AKAP6: variants seen among roughly 807,000 people sequenced by gnomAD.
AKAP6 encodes A-kinase anchor protein 6.
AKAP6 carries 58 observed loss-of-function variants against 188.5 expected under a neutral mutation model. The ratio of observed to expected loss-of-function variants is 0.31; its 90% CI spans 0.25 to 0.38. The LOEUF is 0.38. Among genes scored for constraint, AKAP6 ranks in the 10% least tolerant of loss-of-function variants. AKAP6 has a pLI of 1.00. For synonymous variants in AKAP6, 989 were observed against 998.6 expected (o/e 0.99, Z 0.18); for missense variants, 2,710 against 2,740.0 (o/e 0.99, Z 0.24).
intron 7 of AKAP6, among the ~76,000 whole-genome samples, chr14:32,661,607 C>A (rs1034096465): frequency 9.2e-5 from 14 of 152,182 alleles, no homozygotes; most frequent in South Asian, 2.1e-4. Context: ...ATGCCATACC[C>A]CGGCTCTTTT....
intron 5 of AKAP6, among the ~76,000 whole-genome samples, chr14:32,583,287 G>T (rs1188428825): frequency 1.3e-5 from 2 of 152,212 alleles, no homozygotes; most frequent in Non-Finnish European, 2.9e-5. Flanking sequence ...ATCAGCAGCG[G>T]TGGCTGCAGA....
At position 32,711,484 on chromosome 14, in the gene AKAP6, C is replaced by A. The variant is rs140868068; in HGVS notation, c.3000+15374C>A. On this transcript the variant is annotated intron_variant, in intron 9 of 13. Coordinates refer to ENST00000280979, the MANE Select transcript of AKAP6 (RefSeq NM_004274.5). Reference sequence around the variant, plus strand: ...GACCTTTTTATAAAATGAATTAATGCTTTTAAATGCATACACACACACATA... The same window carrying A: ...GACCTTTTTATAAAATGAATTAATGATTTTAAATGCATACACACACACATA... 3.6e-3 allele frequency among the ~76,000 whole-genome samples: 550 copies of A among 152,112 alleles called. 6 individuals are homozygous for A. Among genetic ancestry groups the A allele is most frequent in the African/African-American group, 0.011 (477 of 41,504 alleles).
chr14:32,620,810 G>T (rs995884988), intron 7 of AKAP6, among the ~76,000 whole-genome samples: 6 of 147,964 alleles, frequency 4.1e-5, no homozygotes, highest in Non-Finnish European at 6.0e-5. Flanking sequence ...TTCACTGGCA[G>T]TTTTTTTTTT....
At chr14:32,413,418 A>G (rs1015628324) in intron 1 of AKAP6, among the ~76,000 whole-genome samples, 2 of 151,998 alleles carry the variant, frequency 1.3e-5, no homozygotes, top group African/African-American at 4.8e-5. Context: ...CCTGGGCTCA[A>G]GTGATCTCCT....
chr14:32,422,944 C>T (rs1889900908), intron 1 of AKAP6, among the ~76,000 whole-genome samples: 1 of 152,142 alleles, frequency 6.6e-6, no homozygotes, highest in Non-Finnish European at 1.5e-5. Flanking sequence ...CTCTGTACTG[C>T]TGTCTTAAGA....
chr14:32,538,695 A>C (rs949282119), intron 3 of AKAP6, among the ~76,000 whole-genome samples: 4 of 152,136 alleles, frequency 2.6e-5, no homozygotes, highest in Non-Finnish European at 4.4e-5. Context: ...AGACATTGTG[A>C]TAAGCACTTT....
At chr14:32,562,944 A>G (rs1484393032) in intron 4 of AKAP6, among the ~76,000 whole-genome samples, 1 of 152,120 alleles carries the variant, frequency 6.6e-6, no homozygotes, top group Non-Finnish European at 1.5e-5. Context: ...AAGACTGTTG[A>G]CCAGAGTCTT....
chr14:32,818,129 G>C, intron 12 of AKAP6, among the ~76,000 whole-genome samples: 1 of 152,102 alleles, frequency 6.6e-6, no homozygotes. Flanking sequence ...AAAATTTAAA[G>C]TCTAAAGTGA....
At chr14:32,509,273 C>T (rs541233098) in intron 2 of AKAP6, among the ~76,000 whole-genome samples, 2 of 151,884 alleles carry the variant, frequency 1.3e-5, no homozygotes, top group East Asian at 3.9e-4. Context: ...TACATGTGTA[C>T]ACTACCACGC....
intron 4 of AKAP6, among the ~76,000 whole-genome samples, chr14:32,550,072 C>T (rs1883385634): frequency 6.6e-6 from 1 of 152,176 alleles, no homozygotes; most frequent in Non-Finnish European, 1.5e-5. Context: ...GTGATTAAAG[C>T]CTGGTGTGGC....
intron 1 of AKAP6, among the ~76,000 whole-genome samples, chr14:32,335,813 A>G (rs111829592): frequency 0.073 from 3,958 of 54,526 alleles, 88 homozygotes; most frequent in Middle Eastern, 0.2. Flanking sequence ...CTGTCTGGGT[A>G]TTTTTTTTTT....
intron 4 of AKAP6, among the ~76,000 whole-genome samples, chr14:32,566,321 TTA>T (rs1280304856): frequency 1.3e-5 from 2 of 151,896 alleles, no homozygotes; most frequent in Non-Finnish European, 1.5e-5. Flanking sequence ...GTTCATATAT[TTA>T]TGTTAATATA....
Position 32,454,881 on chromosome 14 carries a change from TTCCC to T in AKAP6, c.324+21072_324+21075del, listed in dbSNP as rs1281782745. 2.1e-4 allele frequency among the ~76,000 whole-genome samples: 4 copies of T among 19,096 alleles called. No individual in the cohort carries two copies. The African/African-American group carries it at 2.7e-3, about 13-fold the overall frequency. 12.5% of individuals were successfully genotyped at this position (19,096 alleles called of 152,430 possible). A position where few individuals can be genotyped will look rare whatever the true frequency, so the allele number is the denominator to read the frequency against. ...CCTCCCTCCCTCCCTCCCTCCCTCCTTCCCTCCCTCCTTCCCTCCTTCTCTCCTT... is the reference window on the plus strand; with the variant it reads ...CCTCCCTCCCTCCCTCCCTCCCTCCTTCCCTCCTTCCCTCCTTCTCTCCTT... On this transcript the variant is annotated intron_variant, in intron 2 of 13. Coordinates refer to ENST00000280979, the MANE Select transcript of AKAP6 (RefSeq NM_004274.5).
chr14:32,663,529 A>G (rs1200208686), intron 7 of AKAP6, among the ~76,000 whole-genome samples: 1 of 145,024 alleles, frequency 6.9e-6, no homozygotes, highest in African/African-American at 2.9e-5. Flanking sequence ...ACAGATCACC[A>G]TGGGAAGTAA....
chr14:32,809,066 G>T (rs1312280190), intron 12 of AKAP6, among the ~76,000 whole-genome samples: 2 of 152,192 alleles, frequency 1.3e-5, no homozygotes, highest in East Asian at 1.9e-4. Flanking sequence ...TAATGTGTTT[G>T]TTAAAATATA....
chr14:32,811,829 C>G (rs75838787), intron 12 of AKAP6, among the ~76,000 whole-genome samples: 2,076 of 152,258 alleles, frequency 0.014, 74 homozygotes, highest in South Asian at 0.12. Context: ...GTACCTTCGA[C>G]TACCTCGGGA....
intron 8 of AKAP6, among the ~76,000 whole-genome samples, chr14:32,686,616 A>T (rs12892363): frequency 0.39 from 59,121 of 151,604 alleles, 12,174 homozygotes; most frequent in South Asian, 0.51. Flanking sequence ...TAAAATAAAT[A>T]AAAAAAGTAG....
chr14:32,572,307 T>C (rs1029852993), intron 4 of AKAP6, among the ~76,000 whole-genome samples: 3 of 152,262 alleles, frequency 2.0e-5, no homozygotes, highest in Non-Finnish European at 4.4e-5. Flanking sequence ...TCCTGCTGTA[T>C]ACTTCCCATT....
rs1004759362 is a variant in AKAP6 at position 32,835,107 on chromosome 14, A to C, written c.*5302A>C. 6.6e-6 allele frequency: 1 copy of C among 152,218 alleles called. No individual in the cohort carries two copies. Among genetic ancestry groups the C allele is most frequent in the Non-Finnish European group, 1.5e-5 (1 of 68,026 alleles). The allele number at this position is 152,218 out of a possible 1,614,324, so 9.4% of individuals were successfully genotyped here. A position where few individuals can be genotyped will look rare whatever the true frequency, so the allele number is the denominator to read the frequency against. On this transcript the variant is annotated 3_prime_UTR_variant, in exon 14 of 14. Coordinates refer to ENST00000280979, the MANE Select transcript of AKAP6 (RefSeq NM_004274.5). ...ATACAAAGTTACGTACTTGCAACAAAAGCCATATGGCCTGCAAAACCTAAA... is the reference window on the plus strand; with the variant it reads ...ATACAAAGTTACGTACTTGCAACAACAGCCATATGGCCTGCAAAACCTAAA...
Sources: gnomAD v4.1 joint callset for allele counts (sites outside exome capture counted in the v4.1 genomes callset) on GRCh38, gnomAD v4.1.1 for gene constraint, MANE v1.5 for transcripts, NCBI Gene and HGNC (gene_info 2026-07-23, HGNC 2026-07-21) for gene names.